Variants in VPS13B observed in about 807,000 individuals in gnomAD.
The protein encoded by VPS13B is vacuolar protein sorting 13 homolog B.
A neutral mutation model predicts 426.4 loss-of-function variants in VPS13B; 285 were observed. That is an observed-to-expected ratio of 0.67 (90% CI 0.61 to 0.74). The LOEUF (loss-of-function observed/expected upper bound fraction) is 0.74, where lower values mean the gene tolerates loss of function less well. VPS13B is among the 30% of genes least tolerant of loss of function. The pLI, the probability that VPS13B is intolerant of heterozygous loss-of-function variation, is 0.00. For missense variants in VPS13B, 4,537 were observed against 4,782.6 expected, an observed-to-expected ratio of 0.95 and a Z score of 1.51; for synonymous variants, 1,676 against 1,676.4, an observed-to-expected ratio of 1.00 and a Z score of 0.01.
intron 3 of VPS13B, among the ~76,000 whole-genome samples, chr8:99,081,068 C>G (rs1379836759): frequency 2.6e-5 from 4 of 152,152 alleles, no homozygotes; most frequent in African/African-American, 9.7e-5. Context: ...TTATACATAA[C>G]TTCATGTTAA....
At position 99,013,747 on chromosome 8, in the gene VPS13B, C is replaced by A. The variant is rs1274831223; in HGVS notation, c.-29-13C>A. On this transcript the variant is annotated splice_polypyrimidine_tract_variant and intron_variant, in intron 1 of 61. Transcript: ENST00000357162. The stretch of plus-strand genomic sequence containing the variant: ...TACCGCCGACTTCTAACGTTTCTGT[C>A]TACTCCTTTCAGCTTCCGACTTCGA... 1 of 1,613,314 alleles carries A rather than the reference C, an allele frequency of 6.2e-7. No individual in the cohort carries two copies. Among genetic ancestry groups the A allele is most frequent in the South Asian group, 1.1e-5 (1 of 90,938 alleles).
chr8:99,169,512 A>G (rs1028404082), intron 15 of VPS13B, among the ~76,000 whole-genome samples: 3 of 152,034 alleles, frequency 2.0e-5, no homozygotes, highest in African/African-American at 7.2e-5. Flanking sequence ...CAATCCCACA[A>G]TTATTTTCAC....
At chr8:99,198,075 C>CA (rs746496542) in intron 17 of VPS13B, among the ~76,000 whole-genome samples, 1 of 152,022 alleles carries the variant, frequency 6.6e-6, no homozygotes, top group Non-Finnish European at 1.5e-5. Flanking sequence ...ATTTTATCTT[C>CA]AAAAAACGTT....
rs374659089 is a variant in VPS13B at position 99,274,381 on chromosome 8, T to C, written c.2650+49T>C. On this transcript the variant is annotated intron_variant, in intron 18 of 61. Coordinates refer to ENST00000357162, the MANE Select transcript of VPS13B (RefSeq NM_152564.5). ...AACTTTATTGCCTGTATAGGAGAAT[T>C]GGCCTTGCGTTTTACAAGGAGCGTT... 2.5e-6 allele frequency: 4 copies of C among 1,613,556 alleles called. No individual in the cohort carries two copies. The African/African-American group carries it at 5.3e-5, about 22-fold the overall frequency.
At chr8:99,143,227 A>G (rs1160684463) in intron 13 of VPS13B, 62 bp downstream of exon 13, 5 of 1,603,694 alleles carry the variant, frequency 3.1e-6, no homozygotes, top group Non-Finnish European at 4.3e-6. Flanking sequence ...TATATAATCC[A>G]ATTTGTGTTG....
At chr8:99,861,536 A>C (rs1159977916) in intron 57 of VPS13B, among the ~76,000 whole-genome samples, 2 of 152,224 alleles carry the variant, frequency 1.3e-5, no homozygotes, top group Non-Finnish European at 2.9e-5. Flanking sequence ...TGCTAGGCTC[A>C]AGCAATCCTC....
intron 27 of VPS13B, among the ~76,000 whole-genome samples, chr8:99,504,877 T>C (rs1821412718): frequency 6.6e-6 from 1 of 152,204 alleles, no homozygotes; most frequent in Non-Finnish European, 1.5e-5. Context: ...TGGCATCTTC[T>C]TCCAAGAGAA....
intron 19 of VPS13B, among the ~76,000 whole-genome samples, chr8:99,324,849 GTTACAAAGA>G (rs1810158779): frequency 6.6e-6 from 1 of 152,036 alleles, no homozygotes; most frequent in South Asian, 2.1e-4. Flanking sequence ...ATTACATCTA[GTTACAAAGA>G]TTATATATGG....
At chr8:99,547,590 C>T (rs1824056067) in intron 30 of VPS13B, among the ~76,000 whole-genome samples, 2 of 151,936 alleles carry the variant, frequency 1.3e-5, no homozygotes, top group Non-Finnish European at 2.9e-5. Context: ...TACAAAAGGC[C>T]TGACCCAGAC....
chr8:99,607,410 A>T (rs1827643742), intron 33 of VPS13B, among the ~76,000 whole-genome samples: 1 of 152,166 alleles, frequency 6.6e-6, no homozygotes, highest in Non-Finnish European at 1.5e-5. Flanking sequence ...CTCCTCTCCC[A>T]CACGTAAGAA....
At chr8:99,598,310 T>A (rs966270168) in intron 33 of VPS13B, among the ~76,000 whole-genome samples, 1 of 152,102 alleles carries the variant, frequency 6.6e-6, no homozygotes, top group Non-Finnish European at 1.5e-5. Flanking sequence ...TGTATTATAA[T>A]GAGGACCTAT....
intron 16 of VPS13B, among the ~76,000 whole-genome samples, chr8:99,175,032 CA>C (rs1320653352): frequency 6.6e-6 from 1 of 152,004 alleles, no homozygotes; most frequent in African/African-American, 2.4e-5. Flanking sequence ...AACTGAAAAC[CA>C]TCGAATTAGG....
intron 3 of VPS13B, among the ~76,000 whole-genome samples, chr8:99,095,405 C>T (rs1480780242): frequency 6.6e-6 from 1 of 152,156 alleles, no homozygotes; most frequent in South Asian, 2.1e-4. Flanking sequence ...CCTCCCACCA[C>T]CCCTCATTTA....
chr8:99,373,049 C>A (rs1490805189), intron 19 of VPS13B, among the ~76,000 whole-genome samples: 1 of 152,148 alleles, frequency 6.6e-6, no homozygotes, highest in Non-Finnish European at 1.5e-5. Context: ...TCATTCTGAG[C>A]AAACTAACAC....
chr8:99,778,632 A>G, intron 41 of VPS13B, 50 bp from the exon 42 acceptor site: 2 of 1,526,076 alleles, frequency 1.3e-6, no homozygotes, highest in Non-Finnish European at 1.8e-6. Context: ...TATTTTCACA[A>G]AATATTGGCT....
chr8:99,501,316 C>G (rs1332603107), intron 25 of VPS13B, among the ~76,000 whole-genome samples: 1 of 152,136 alleles, frequency 6.6e-6, no homozygotes, highest in South Asian at 2.1e-4. Context: ...GCAGTCAGTA[C>G]ATGAACGGAT....
In VPS13B at chr8:99,818,498, G is replaced by T; in HGVS notation, c.8409G>T (p.Leu2803Phe). 1 of 1,613,954 alleles carries T rather than the reference G, an allele frequency of 6.2e-7. No individual in the cohort carries two copies. The highest frequency in any genetic ancestry group is 8.5e-7 in the Non-Finnish European group (1 of 1,179,950). ...TTATTTATGTCTGGTGCACAGTTTTGACTTTAGAACCCAACTCTCAAGTGC... is the reference window on the plus strand; with the variant it reads ...TTATTTATGTCTGGTGCACAGTTTTTACTTTAGAACCCAACTCTCAAGTGC... ...SSIIYVWCTV[L>F]TLEPNSQVQQ... Residue 2803 changes from leucine (L) to phenylalanine (F), a missense_variant, in exon 46 of 62, where the codon TTG becomes TTT. Physicochemically the swap from Leu to Phe is conservative, Grantham distance 22. Transcript: ENST00000357162.
intron 58 of VPS13B, among the ~76,000 whole-genome samples, 198 bp downstream of exon 58, chr8:99,862,144 C>G (rs529598824): frequency 6.6e-6 from 1 of 152,344 alleles, no homozygotes; most frequent in Admixed American, 6.5e-5. Context: ...CCTGTGTTTG[C>G]TTTGTGCATG....
In VPS13B at chr8:99,641,836, TG is replaced by T; in HGVS notation, c.5248del (p.Asp1750IlefsTer31). 2 of 1,611,526 alleles carry T rather than the reference TG, an allele frequency of 1.2e-6. No individual in the cohort carries two copies. On this transcript the variant is annotated frameshift_variant, in exon 34 of 62. Coordinates refer to ENST00000357162, the MANE Select transcript of VPS13B (RefSeq NM_152564.5). LOFTEE classifies it high-confidence loss of function. ...AEISKQEQKK[V>X]DIFDGGMAET... is the part of the protein sequence containing the mutation. ...ATCTCTAAACAAGAACAGAAAAAAGTGGATATATTTGATGGAGGCATGGCTG... is the reference window on the plus strand; with the variant it reads ...ATCTCTAAACAAGAACAGAAAAAAGTGATATATTTGATGGAGGCATGGCTG...
Sources: gnomAD v4.1 joint callset for allele counts (sites outside exome capture counted in the v4.1 genomes callset) on GRCh38, gnomAD v4.1.1 for gene constraint, MANE v1.5 for transcripts, NCBI Gene and HGNC (gene_info 2026-07-23, HGNC 2026-07-21) for gene names.